MGLL: variants seen among roughly 807,000 people sequenced by gnomAD.
The protein encoded by MGLL is monoglyceride lipase, also known as lysophospholipase homolog.
A neutral mutation model predicts 29.1 loss-of-function variants in MGLL; 7 were observed. The ratio of observed to expected loss-of-function variants is 0.24; its 90% CI spans 0.14 to 0.45. The LOEUF (loss-of-function observed/expected upper bound fraction) is 0.45, where lower values mean the gene tolerates loss of function less well. Among genes scored for constraint, MGLL ranks in the 20% least tolerant of loss-of-function variants. The probability of loss-of-function intolerance (pLI) is 0.99; values close to 1 mark genes in which losing one functional copy is unlikely to be tolerated. For synonymous variants in MGLL, 148 were observed against 168.3 expected, an observed-to-expected ratio of 0.88 and a Z score of 0.93; for missense variants, 356 against 413.6, an observed-to-expected ratio of 0.86 and a Z score of 1.21.
chr3:127,817,192 C>G (rs1260786954), intron 2 of MGLL, among the ~76,000 whole-genome samples: 1 of 152,184 alleles, frequency 6.6e-6, no homozygotes, highest in Non-Finnish European at 1.5e-5. Context: ...TCCATAAATG[C>G]AGGGGAATTT....
rs145667863 is a variant in MGLL at position 127,767,581 on chromosome 3, A to G, written c.262+14208T>C. On this transcript the variant is annotated intron_variant, in intron 3 of 7. Coordinates refer to ENST00000265052, the MANE Select transcript of MGLL (RefSeq NM_007283.7). ...CGATGAATCTTTTTTGAATGAGTGAATGAATGGATTATTTAAGAAATTAGA... is the reference window on the plus strand; with the variant it reads ...CGATGAATCTTTTTTGAATGAGTGAGTGAATGGATTATTTAAGAAATTAGA... Among the ~76,000 whole-genome samples, 443 of 152,352 alleles carry G rather than the reference A, an allele frequency of 2.9e-3. 5 individuals are homozygous for G. Among genetic ancestry groups the G allele is most frequent in the African/African-American group, 0.01 (425 of 41,576 alleles).
intron 2 of MGLL, among the ~76,000 whole-genome samples, chr3:127,812,665 C>T (rs1467402137): frequency 2.0e-5 from 3 of 152,120 alleles, no homozygotes; most frequent in Non-Finnish European, 4.4e-5. Context: ...CGCAGAGTCC[C>T]CAGAACGATG....
chr3:127,741,302 C>A (rs2107655126), intron 3 of MGLL, among the ~76,000 whole-genome samples: 1 of 152,366 alleles, frequency 6.6e-6, no homozygotes, highest in Non-Finnish European at 1.5e-5. Context: ...CCAGGCCATG[C>A]CCACTCCTCA....
intron 3 of MGLL, among the ~76,000 whole-genome samples, chr3:127,729,749 C>CTAA: frequency 6.6e-6 from 1 of 152,322 alleles, no homozygotes; most frequent in East Asian, 1.9e-4. Flanking sequence ...TTTGCTTATT[C>CTAA]ATGAGCCAGC....
chr3:127,710,724 C>G (rs1010174), intron 5 of MGLL, 59 bp from the exon 6 acceptor site: 374,252 of 1,395,900 alleles, frequency 0.27, 51,738 homozygotes, highest in Middle Eastern at 0.43. Flanking sequence ...CCCGGCTCTT[C>G]CGCAGTGACA....
intron 2 of MGLL, among the ~76,000 whole-genome samples, chr3:127,787,126 A>G (rs1348380332): frequency 1.3e-5 from 2 of 152,234 alleles, no homozygotes; most frequent in Admixed American, 6.5e-5. Flanking sequence ...CGCCTCCTGC[A>G]TGAGGAGGAG....
chr3:127,728,523 G>A (rs1576513915), intron 3 of MGLL, among the ~76,000 whole-genome samples: 2 of 152,116 alleles, frequency 1.3e-5, no homozygotes, highest in Non-Finnish European at 2.9e-5. Flanking sequence ...ATATTCTGGA[G>A]GTCACTCTGT....
At chr3:127,812,269 C>T (rs2077675663) in intron 2 of MGLL, among the ~76,000 whole-genome samples, 1 of 152,148 alleles carries the variant, frequency 6.6e-6, no homozygotes, top group Admixed American at 6.5e-5. Context: ...TACTGCATTC[C>T]ACATAAAAGA....
chr3:127,768,149 T>G (rs2076889683), intron 3 of MGLL, among the ~76,000 whole-genome samples: 1 of 152,202 alleles, frequency 6.6e-6, no homozygotes, highest in Non-Finnish European at 1.5e-5. Context: ...TTAAAGAAAC[T>G]GAATTTATAA....
In MGLL at chr3:127,781,909, A is replaced by T. The variant is rs2077132930; in HGVS notation, c.156-14T>A. ...AAGATGAGGGCCCTGCAGAGACAAG[A>T]AGGGAGCCTGGTTAGGAAAGCCCAC... On this transcript the variant is annotated splice_polypyrimidine_tract_variant and intron_variant, in intron 2 of 7. Coordinates refer to ENST00000265052, the MANE Select transcript of MGLL (RefSeq NM_007283.7). 6.2e-7 allele frequency: 1 copy of T among 1,613,314 alleles called. No homozygotes were observed. The highest frequency in any genetic ancestry group is 8.5e-7 in the Non-Finnish European group (1 of 1,179,456).
intron 3 of MGLL, among the ~76,000 whole-genome samples, chr3:127,780,537 C>T (rs1270729047): frequency 6.6e-6 from 1 of 152,228 alleles, no homozygotes; most frequent in Non-Finnish European, 1.5e-5. Flanking sequence ...GTTCGCAAAG[C>T]ACTAAAGAAC....
At chr3:127,768,753 T>G (rs575211152) in intron 3 of MGLL, among the ~76,000 whole-genome samples, 1 of 152,316 alleles carries the variant, frequency 6.6e-6, no homozygotes, top group South Asian at 2.1e-4. Flanking sequence ...CAAGCCCCAG[T>G]GCTCACCTCT....
At chr3:127,818,772 G>A (rs1356401088) in intron 2 of MGLL, among the ~76,000 whole-genome samples, 2 of 152,104 alleles carry the variant, frequency 1.3e-5, no homozygotes, top group African/African-American at 4.8e-5. Flanking sequence ...TTGGACCTCT[G>A]TTTCCTCATC....
At position 127,769,360 on chromosome 3, in the gene MGLL, G is replaced by GAA. The variant is rs5852522; in HGVS notation, c.262+12427_262+12428dup. On this transcript the variant is annotated intron_variant, in intron 3 of 7. Transcript: ENST00000265052. ...AGCAAGACTCTATCTCAAAAAAAAA[G>GAA]AAAAAAAAAAGAATTGGATTGTCTT... Among the ~76,000 whole-genome samples the GAA allele has an allele frequency of 7.2e-4, 108 of 149,556 alleles. 1 individual carries two copies. The highest frequency in any genetic ancestry group is 1.8e-3 in the African/African-American group (73 of 40,802).
At chr3:127,758,371 C>T (rs913500790) in intron 3 of MGLL, among the ~76,000 whole-genome samples, 1 of 152,256 alleles carries the variant, frequency 6.6e-6, no homozygotes, top group Non-Finnish European at 1.5e-5. Context: ...GTTTTGTTCA[C>T]AGCTGCATCT....
At chr3:127,692,532 C>G (rs764374318) in intron 7 of MGLL, among the ~76,000 whole-genome samples, 1 of 152,196 alleles carries the variant, frequency 6.6e-6, no homozygotes, top group Non-Finnish European at 1.5e-5. Flanking sequence ...AGTGTGTTCT[C>G]GAACTTCCTT....
At chr3:127,695,234 A>G in intron 6 of MGLL, 44 bp from the exon 7 acceptor site, 1 of 1,575,332 alleles carries the variant, frequency 6.3e-7, no homozygotes, top group African/African-American at 1.3e-5. Context: ...GGCAGGGCTC[A>G]CTTCCATAAG....
intron 2 of MGLL, among the ~76,000 whole-genome samples, chr3:127,819,352 G>A (rs976607503): frequency 3.9e-5 from 6 of 152,166 alleles, no homozygotes; most frequent in Admixed American, 3.9e-4. Flanking sequence ...ACCGAGGCTG[G>A]CACAGATCCT....
intron 6 of MGLL, among the ~76,000 whole-genome samples, chr3:127,703,304 AAT>A (rs1458938157): frequency 5.3e-5 from 8 of 152,372 alleles, no homozygotes; most frequent in Admixed American, 4.6e-4. Context: ...TTTGAGGAAT[AAT>A]AAGAGAAACA....
Sources: allele counts gnomAD v4.1 joint callset (sites outside exome capture counted in the v4.1 genomes callset), GRCh38; gene constraint gnomAD v4.1.1; transcripts MANE v1.5; gene names NCBI Gene and HGNC (gene_info 2026-07-23, HGNC 2026-07-21).